Variants in LRRC4C observed in about 807,000 individuals in gnomAD.
LRRC4C encodes leucine-rich repeat-containing protein 4C.
A neutral mutation model predicts 33.6 loss-of-function variants in LRRC4C; 5 were observed. The ratio of observed to expected loss-of-function variants is 0.15; its 90% CI spans 0.08 to 0.31. The LOEUF is 0.31. Among genes scored for constraint, LRRC4C ranks in the 10% least tolerant of loss-of-function variants. LRRC4C has a pLI of 1.00. For missense variants in LRRC4C, 560 were observed against 796.7 expected (o/e 0.70, Z 3.58); for synonymous variants, 329 against 302.0 (o/e 1.09, Z -0.93).
intron 1 of LRRC4C, among the ~76,000 whole-genome samples, chr11:41,048,545 G>A (rs1857969672): frequency 1.3e-5 from 2 of 152,222 alleles, no homozygotes; most frequent in African/African-American, 4.8e-5. Flanking sequence ...TTACAGGCGT[G>A]AGCCACTGCG....
intron 1 of LRRC4C, among the ~76,000 whole-genome samples, chr11:40,934,503 T>C (rs112222522): frequency 6.6e-6 from 1 of 152,318 alleles, no homozygotes; most frequent in South Asian, 2.1e-4. Flanking sequence ...TACTCTATCC[T>C]GGAGTAAATT....
intron 2 of LRRC4C, among the ~76,000 whole-genome samples, chr11:40,856,680 C>T (rs1953800494): frequency 1.3e-5 from 2 of 152,124 alleles, no homozygotes; most frequent in African/African-American, 4.8e-5. Flanking sequence ...CAAAATAAAA[C>T]ACAAACAATA....
intron 6 of LRRC4C, among the ~76,000 whole-genome samples, chr11:40,120,941 T>C (rs567499274): frequency 2.6e-5 from 4 of 152,174 alleles, no homozygotes; most frequent in Admixed American, 2.6e-4. Context: ...GAAAGAACAC[T>C]GTTACCTAGT....
intron 1 of LRRC4C, among the ~76,000 whole-genome samples, chr11:41,056,138 T>C (rs971016580): frequency 6.6e-6 from 1 of 152,096 alleles, no homozygotes; most frequent in African/African-American, 2.4e-5. Flanking sequence ...AAAAAACTAA[T>C]ATCACTTTGC....
intron 4 of LRRC4C, among the ~76,000 whole-genome samples, chr11:40,308,938 A>G (rs553388091): frequency 2.6e-5 from 4 of 152,344 alleles, no homozygotes; most frequent in Non-Finnish European, 5.9e-5. Flanking sequence ...TGCACCATCC[A>G]TATTTCTACC....
chr11:41,164,222 T>C lies in LRRC4C; in HGVS notation c.-495-230499A>G, dbSNP rs147606942. On this transcript the variant is annotated intron_variant, in intron 1 of 6. Transcript: ENST00000528697. ...TTTTTTTTTACTTTAAAATTTTTTC[T>C]TAACTAAGACACTACACATACAATA... Among the ~76,000 whole-genome samples the C allele has an allele frequency of 1.1e-4, 17 of 151,228 alleles. No individual in the cohort carries two copies. In the East Asian group the frequency reaches 3.3e-3, roughly 29 times the overall value.
chr11:40,555,252 G>T (rs17408675), intron 3 of LRRC4C, among the ~76,000 whole-genome samples: 3 of 152,024 alleles, frequency 2.0e-5, no homozygotes, highest in Non-Finnish European at 4.4e-5. Flanking sequence ...GGGACAGACC[G>T]ATGTCCAGGC....
At chr11:40,634,502 C>T (rs925147979) in intron 3 of LRRC4C, among the ~76,000 whole-genome samples, 2 of 152,066 alleles carry the variant, frequency 1.3e-5, no homozygotes, top group African/African-American at 4.8e-5. Context: ...GTCACACGTG[C>T]AGTAAAATGC....
intron 1 of LRRC4C, among the ~76,000 whole-genome samples, chr11:41,203,530 G>A (rs1358881424): frequency 1.3e-5 from 2 of 152,148 alleles, no homozygotes; most frequent in Admixed American, 1.3e-4. Flanking sequence ...AAGAGTCCCT[G>A]CATCCCACAT....
chr11:41,358,120 T>C (rs567434510), intron 1 of LRRC4C, among the ~76,000 whole-genome samples: 1 of 152,180 alleles, frequency 6.6e-6, no homozygotes, highest in African/African-American at 2.4e-5. Flanking sequence ...TTAACTGGTG[T>C]TGACAAAGAA....
intron 2 of LRRC4C, among the ~76,000 whole-genome samples, chr11:40,805,135 A>G (rs910304714): frequency 5.3e-5 from 8 of 152,206 alleles, no homozygotes; most frequent in Admixed American, 4.6e-4. Flanking sequence ...TTCCATTACT[A>G]TGTCCCAGAA....
chr11:41,175,122 G>T (rs1945142792), intron 1 of LRRC4C, among the ~76,000 whole-genome samples: 1 of 151,764 alleles, frequency 6.6e-6, no homozygotes, highest in South Asian at 2.1e-4. Flanking sequence ...CCTGCTCTCA[G>T]CCACTATTCT....
intron 3 of LRRC4C, among the ~76,000 whole-genome samples, chr11:40,563,932 C>G (rs140180438): frequency 2.0e-5 from 3 of 152,256 alleles, no homozygotes; most frequent in Middle Eastern, 3.4e-3. Context: ...CTTCATCCCC[C>G]ATAAGTCAGG....
chr11:41,151,217 GT>G (rs1165740692), intron 1 of LRRC4C, among the ~76,000 whole-genome samples: 1 of 152,182 alleles, frequency 6.6e-6, no homozygotes, highest in African/African-American at 2.4e-5. Context: ...TTAAGAAACA[GT>G]TGAGCTAGTT....
intron 2 of LRRC4C, among the ~76,000 whole-genome samples, chr11:40,767,000 C>A (rs1188749751): frequency 1.3e-5 from 2 of 150,452 alleles, no homozygotes; most frequent in Non-Finnish European, 3.0e-5. Context: ...ATGGACTAAA[C>A]TCTCCAATCA....
intron 1 of LRRC4C, among the ~76,000 whole-genome samples, chr11:41,383,007 G>A (rs1478431793): frequency 6.6e-6 from 1 of 152,076 alleles, no homozygotes; most frequent in East Asian, 1.9e-4. Flanking sequence ...ATACATCTTA[G>A]GTTCACCTTA....
At chr11:40,851,086 AACAAGAAC>A (rs536259835) in intron 2 of LRRC4C, among the ~76,000 whole-genome samples, 205 of 152,246 alleles carry the variant, frequency 1.3e-3, no homozygotes, top group South Asian at 0.011. Flanking sequence ...CGATCCACTG[AACAAGAAC>A]ACTTGGCTGT....
At chr11:40,609,046 C>T (rs554246817) in intron 3 of LRRC4C, among the ~76,000 whole-genome samples, 19 of 152,110 alleles carry the variant, frequency 1.2e-4, no homozygotes, top group East Asian at 7.7e-4. Flanking sequence ...AAACAAAATT[C>T]GAACAACACT....
At chr11:40,965,718 A>G (rs1254039864) in intron 1 of LRRC4C, among the ~76,000 whole-genome samples, 1 of 151,972 alleles carries the variant, frequency 6.6e-6, no homozygotes, top group African/African-American at 2.4e-5. Context: ...GTTCTGTTCC[A>G]TTGGTCTATA....
Sources: allele counts gnomAD v4.1 joint callset (sites outside exome capture counted in the v4.1 genomes callset), GRCh38; gene constraint gnomAD v4.1.1; transcripts MANE v1.5; gene names NCBI Gene and HGNC (gene_info 2026-07-23, HGNC 2026-07-21).